MCCC1: variants seen among roughly 807,000 people sequenced by gnomAD.
MCCC1 encodes the protein methylcrotonoyl-CoA carboxylase subunit alpha, mitochondrial.
Under a neutral mutation model 83.8 loss-of-function variants are expected in MCCC1, and 64 were observed. That is an observed-to-expected ratio of 0.76 (90% CI 0.62 to 0.94). MCCC1 has a LOEUF of 0.94. Ranked by LOEUF, MCCC1 falls within the 40% of genes least tolerant of loss-of-function variation. The pLI, the probability that MCCC1 is intolerant of heterozygous loss-of-function variation, is 0.00. For synonymous variants in MCCC1, 322 were observed against 315.4 expected, an observed-to-expected ratio of 1.02 and a Z score of -0.22; for missense variants, 807 against 904.7, an observed-to-expected ratio of 0.89 and a Z score of 1.39.
intron 1 of MCCC1, among the ~76,000 whole-genome samples, chr3:183,106,110 A>G (rs80179622): frequency 0.087 from 12,346 of 141,516 alleles, 951 homozygotes; most frequent in African/African-American, 0.19. Context: ...TACCAAAACT[A>G]CAACCTTGCA....
At chr3:183,106,452 C>T (rs1434246922) in intron 1 of MCCC1, among the ~76,000 whole-genome samples, 1 of 149,938 alleles carries the variant, frequency 6.7e-6, no homozygotes, top group Non-Finnish European at 1.5e-5. Context: ...TAGTACCCTT[C>T]ACCTAGATTT....
At chr3:183,114,638 G>C (rs1307936096) in intron 1 of MCCC1, among the ~76,000 whole-genome samples, 1 of 152,190 alleles carries the variant, frequency 6.6e-6, no homozygotes, top group African/African-American at 2.4e-5. Context: ...TTCCTCTCAA[G>C]TCCCTTTGGG....
chr3:183,034,014 A>G lies in MCCC1; in HGVS notation c.1658T>C (p.Met553Thr), dbSNP rs774055789. Residue 553 changes from methionine (M) to threonine (T), a missense_variant, in exon 14 of 19, where the codon ATG (methionine) becomes ACG (threonine). By Grantham distance (81) the Met-to-Thr change is moderately conservative. Transcript: ENST00000265594. ...RRLNISYTRN[M>T]TLKDGKNNVA... The stretch of plus-strand genomic sequence containing the variant: ...ACTGTTTTTACCATCTTTAAGAGTC[A>G]TGTTTCTGGTATACGAGATATTCAG... The G allele has an allele frequency of 1.9e-6, 3 of 1,609,996 alleles. No homozygotes were observed. In the Admixed American group the frequency reaches 5.0e-5, roughly 27 times the overall value.
Position 183,071,097 on chromosome 3 carries a change from T to C in MCCC1, c.663A>G (p.Glu221=). 6.2e-7 allele frequency: 1 copy of C among 1,614,220 alleles called. No individual in the cohort carries two copies. Among genetic ancestry groups the C allele is most frequent in the Non-Finnish European group, 8.5e-7 (1 of 1,180,028 alleles). Residue 221 remains glutamate, a synonymous_variant, in exon 7 of 19, where the codon GAA becomes GAG. Transcript: ENST00000265594. ...ACTCTAACTGTTCTTGAAATTCTTG[T>C]TCTGATCTAACAATCCTCATTCCCT... ...GGKGMRIVRS[E]QEFQEQLESA...
intron 16 of MCCC1, among the ~76,000 whole-genome samples, chr3:183,020,893 A>C (rs527352143): frequency 1.3e-5 from 2 of 151,888 alleles, no homozygotes; most frequent in East Asian, 3.9e-4. Flanking sequence ...CCCCATCTCT[A>C]CTAAAAAATA....
chr3:183,057,082 A>G (rs1296041311), intron 8 of MCCC1, among the ~76,000 whole-genome samples: 1 of 152,200 alleles, frequency 6.6e-6, no homozygotes, highest in African/African-American at 2.4e-5. Context: ...AGATTTTCCC[A>G]TATTTTATCC....
At chr3:183,084,234 C>A (rs1265616681) in intron 4 of MCCC1, among the ~76,000 whole-genome samples, 1 of 152,230 alleles carries the variant, frequency 6.6e-6, no homozygotes, top group South Asian at 2.1e-4. Context: ...TAATGTCAAA[C>A]CTGCTGTCCA....
At chr3:183,066,391 G>A (rs191287585) in intron 7 of MCCC1, among the ~76,000 whole-genome samples, 45 of 152,208 alleles carry the variant, frequency 3.0e-4, no homozygotes, top group Middle Eastern at 3.4e-3. Context: ...TGCAACCTCC[G>A]CCTCCCAGGT....
chr3:183,090,620 G>A (rs1341832666), intron 3 of MCCC1, among the ~76,000 whole-genome samples: 2 of 148,078 alleles, frequency 1.4e-5, no homozygotes, highest in South Asian at 2.1e-4. Flanking sequence ...ACAGAGTTTC[G>A]CTCTTGTTGC....
chr3:183,041,368 G>A (rs533756298), intron 11 of MCCC1, among the ~76,000 whole-genome samples, 199 bp downstream of exon 11: 10 of 152,246 alleles, frequency 6.6e-5, no homozygotes, highest in East Asian at 1.9e-4. Flanking sequence ...AAAGGAGTCC[G>A]TTGTTGAAAA....
chr3:183,025,728 C>T, intron 15 of MCCC1, 27 bp downstream of exon 15: 4 of 1,606,828 alleles, frequency 2.5e-6, no homozygotes, highest in Non-Finnish European at 2.6e-6. Flanking sequence ...CAGCTCTGCA[C>T]TGTAGAACAA....
rs1712230544 is a variant in MCCC1 at position 183,022,421 on chromosome 3, GA to G, written c.1864del (p.Ser622ProfsTer19). The G allele has an allele frequency of 1.6e-5, 26 of 1,614,070 alleles. No individual in the cohort carries two copies. Among genetic ancestry groups the G allele is most frequent in the Non-Finnish European group, 2.1e-5 (25 of 1,179,978 alleles). On this transcript the variant is annotated frameshift_variant, in exon 16 of 19. Coordinates refer to ENST00000265594, the MANE Select transcript of MCCC1 (RefSeq NM_020166.5). LOFTEE classifies it high-confidence loss of function. ...ATTATAAAGAAGAGACATTACCTTG[GA>G]AAATAGGTAAATAGTGTTTTCCAGG... ...IILENTIYLF[S>X]KEGSIEIDIP...
intron 7 of MCCC1, among the ~76,000 whole-genome samples, chr3:183,068,549 G>C (rs1716422223): frequency 6.6e-6 from 1 of 152,158 alleles, no homozygotes; most frequent in African/African-American, 2.4e-5. Flanking sequence ...TCTGTCTATG[G>C]AGTAGCCATT....
chr3:183,079,895 T>C (rs1717360500), intron 4 of MCCC1, among the ~76,000 whole-genome samples: 1 of 152,212 alleles, frequency 6.6e-6, no homozygotes, highest in African/African-American at 2.4e-5. Context: ...ACATGGAAGC[T>C]GCCAAGGCTT....
At chr3:183,020,288 T>G (rs1712046234) in intron 16 of MCCC1, 51 bp from the exon 17 acceptor site, 2 of 1,358,178 alleles carry the variant, frequency 1.5e-6, no homozygotes, top group Non-Finnish European at 2.1e-6. Flanking sequence ...ATCACTATAT[T>G]TTTACTAATA....
intron 4 of MCCC1, among the ~76,000 whole-genome samples, chr3:183,082,338 GA>G (rs113294037): frequency 7.9e-5 from 12 of 150,956 alleles, no homozygotes; most frequent in African/African-American, 2.9e-4. Context: ...GGTAGCACAT[GA>G]AAAAAAAATG....
At chr3:183,086,423 G>A (rs1379670429) in intron 4 of MCCC1, among the ~76,000 whole-genome samples, 2 of 152,156 alleles carry the variant, frequency 1.3e-5, no homozygotes, top group Non-Finnish European at 2.9e-5. Flanking sequence ...TAGTTTTGAG[G>A]ATAGAAGAGC....
chr3:183,086,767 C>G lies in MCCC1; in HGVS notation c.295G>C (p.Gly99Arg), dbSNP rs375244642. ...TAGCTCTGCTGGGAGGGAGCGGGGCCGATGGAATATGCTTCATCTGCCTGT... is the reference window on the plus strand; with the variant it reads ...TAGCTCTGCTGGGAGGGAGCGGGGCGGATGGAATATGCTTCATCTGCCTGT... ...VDMADEAYSI[G>R]PAPSQQSYLS... Residue 99 changes from glycine (G) to arginine (R), a missense_variant, in exon 4 of 19, where the codon GGC becomes CGC. Transcript: ENST00000265594. 6 of 1,613,920 alleles carry G rather than the reference C, an allele frequency of 3.7e-6. No individual in the cohort carries two copies. The African/African-American group carries it at 5.3e-5, about 14-fold the overall frequency.
In MCCC1 at chr3:183,052,234, T is replaced by C. The variant is rs371815758; in HGVS notation, c.880A>G (p.Ile294Val). ...AGCTTTTTTCTTACTTCAGATTTAATACCAGGCTATGAAAAAAATATGTAA... is the reference window on the plus strand; with the variant it reads ...AGCTTTTTTCTTACTTCAGATTTAACACCAGGCTATGAAAAAAATATGTAA... The part of the protein sequence containing the change: ...KIIEEAPAPG[I>V]KSEVRKKLGE... The change falls in exon 9 of 19, where the codon ATT becomes GTT. Residue 294 changes from isoleucine (I) to valine (V), a missense_variant. By Grantham distance (29) the Ile-to-Val change is conservative. Transcript: ENST00000265594. 7 of 1,613,672 alleles carry C rather than the reference T, an allele frequency of 4.3e-6. No homozygotes were observed. In the Admixed American group the frequency reaches 8.3e-5, roughly 19 times the overall value.
Sources: gnomAD v4.1 joint callset for allele counts (sites outside exome capture counted in the v4.1 genomes callset) on GRCh38, gnomAD v4.1.1 for gene constraint, MANE v1.5 for transcripts, NCBI Gene and HGNC (gene_info 2026-07-23, HGNC 2026-07-21) for gene names.